GFOD2: variants seen among roughly 807,000 people sequenced by gnomAD.
The protein encoded by GFOD2 is glucose-fructose oxidoreductase domain-containing protein 2.
GFOD2 carries 9 observed loss-of-function variants against 24.6 expected under a neutral mutation model. The ratio of observed to expected loss-of-function variants is 0.37; its 90% CI spans 0.22 to 0.64. GFOD2 has a LOEUF of 0.64. GFOD2 is among the 30% of genes least tolerant of loss of function. The probability of loss-of-function intolerance (pLI) is 0.65; values close to 1 mark genes in which losing one functional copy is unlikely to be tolerated. For synonymous variants in GFOD2, 211 were observed against 224.8 expected, an observed-to-expected ratio of 0.94 and a Z score of 0.55; for missense variants, 476 against 532.5, an observed-to-expected ratio of 0.89 and a Z score of 1.04.
chr16:67,715,171 G>T (rs1023304491), intron 1 of GFOD2, among the ~76,000 whole-genome samples: 2 of 151,724 alleles, frequency 1.3e-5, no homozygotes, highest in African/African-American at 4.8e-5. Flanking sequence ...CAATTCTCCC[G>T]CCTCAGCCTC....
chr16:67,700,560 A>G (rs973874499), intron 1 of GFOD2, among the ~76,000 whole-genome samples: 9 of 150,518 alleles, frequency 6.0e-5, no homozygotes, highest in African/African-American at 2.2e-4. Flanking sequence ...AAAAATACAA[A>G]AATTAGCCAG....
chr16:67,680,891 T>C (rs1212303515), intron 2 of GFOD2: 1 of 985,344 alleles, frequency 1.0e-6, no homozygotes, highest in Non-Finnish European at 1.2e-6. Flanking sequence ...TCTCCTGCTC[T>C]TCTTTAATAA....
chr16:67,692,893 G>C (rs1338936280), intron 1 of GFOD2, among the ~76,000 whole-genome samples: 1 of 151,610 alleles, frequency 6.6e-6, no homozygotes, highest in Non-Finnish European at 1.5e-5. Flanking sequence ...ATCCAGGCGT[G>C]ATGGTGGGCA....
rs61390245 is a variant in GFOD2 at position 67,706,683 on chromosome 16, T to C, written c.-88+12480A>G. 5.0e-3 allele frequency among the ~76,000 whole-genome samples: 757 copies of C among 152,258 alleles called. 8 individuals are homozygous for C. The highest frequency in any genetic ancestry group is 0.017 in the African/African-American group (716 of 41,550). Reference sequence around the variant, plus strand: ...ACAGGACACAAAAAGCACTAACTCATTGAAAACTGGATTTCAAAATTTAAA... The same window carrying C: ...ACAGGACACAAAAAGCACTAACTCACTGAAAACTGGATTTCAAAATTTAAA... On this transcript the variant is annotated intron_variant, in intron 1 of 2. Coordinates refer to ENST00000268797, the MANE Select transcript of GFOD2 (RefSeq NM_030819.4).
In GFOD2 at chr16:67,685,299, C is replaced by T. The variant is rs150082971; in HGVS notation, c.259+158G>A. ...GGTTAGGCTATGTCTTTTTTCATGC[C>T]CTCCCCAAGCACTGCTTCAGGGACA... On this transcript the variant is annotated intron_variant, in intron 2 of 2. Transcript: ENST00000268797. 5.9e-5 allele frequency: 85 copies of T among 1,450,740 alleles called. No homozygotes were observed. The East Asian group carries it at 2.1e-3, about 35-fold the overall frequency. The allele number at this position is 1,450,740 out of a possible 1,614,324, so 89.9% of individuals were successfully genotyped here.
At chr16:67,681,599 G>C (rs1436543618) in intron 2 of GFOD2, 1 of 563,904 alleles carries the variant, frequency 1.8e-6, no homozygotes, top group Non-Finnish European at 2.2e-6. Context: ...TGGTAGAGAT[G>C]GGATTTCATC....
intron 1 of GFOD2, among the ~76,000 whole-genome samples, chr16:67,697,434 T>C (rs2053366642): frequency 6.6e-6 from 1 of 152,202 alleles, no homozygotes; most frequent in Non-Finnish European, 1.5e-5. Flanking sequence ...AGGGTCATAA[T>C]TCTGAGCTAA....
Position 67,715,056 on chromosome 16 carries a change from TTTTC to T in GFOD2, c.-88+4103_-88+4106del, listed in dbSNP as rs534464518. ...CTTCCTTCTTAATGTTTAATCCATATTTTCTTTCTTTTTTTTTTTGAGACGTACT... is the reference window on the plus strand; with the variant it reads ...CTTCCTTCTTAATGTTTAATCCATATTTTCTTTTTTTTTTTGAGACGTACT... On this transcript the variant is annotated intron_variant, in intron 1 of 2. Transcript: ENST00000268797. Among the ~76,000 whole-genome samples the T allele has an allele frequency of 1.8e-3, 273 of 152,236 alleles. 1 individual carries two copies. Among genetic ancestry groups the T allele is most frequent in the African/African-American group, 6.3e-3 (262 of 41,544 alleles).
At chr16:67,688,827 C>T (rs1359558274) in intron 1 of GFOD2, among the ~76,000 whole-genome samples, 7 of 150,506 alleles carry the variant, frequency 4.7e-5, no homozygotes, top group East Asian at 2.0e-4. Context: ...CTCCGCCTCC[C>T]GGGTTCACGC....
At chr16:67,690,830 A>G (rs552613602) in intron 1 of GFOD2, among the ~76,000 whole-genome samples, 4 of 152,296 alleles carry the variant, frequency 2.6e-5, no homozygotes, top group African/African-American at 7.2e-5. Context: ...CAATAATTTT[A>G]TAAACACCAT....
At chr16:67,679,911 AC>A (rs1193514859) in intron 2 of GFOD2, among the ~76,000 whole-genome samples, 41 of 151,534 alleles carry the variant, frequency 2.7e-4, no homozygotes, top group African/African-American at 9.4e-4. Flanking sequence ...AACAACAACA[AC>A]AAAAAAAAAC....
intron 1 of GFOD2, among the ~76,000 whole-genome samples, chr16:67,707,324 C>T (rs1238865328): frequency 2.0e-5 from 3 of 150,458 alleles, no homozygotes; most frequent in Non-Finnish European, 4.4e-5. Flanking sequence ...CGCCATTGCA[C>T]TCCAGCCTGG....
intron 2 of GFOD2, chr16:67,682,588 T>C (rs556813594): frequency 1.5e-5 from 15 of 985,326 alleles, no homozygotes; most frequent in Middle Eastern, 5.2e-4. Flanking sequence ...ATGAAGAACA[T>C]AGGTCAGACC....
Position 67,701,458 on chromosome 16 carries a change from AC to A in GFOD2, c.-87-15657del, listed in dbSNP as rs1158178422. On this transcript the variant is annotated intron_variant, in intron 1 of 2. Coordinates refer to ENST00000268797, the MANE Select transcript of GFOD2 (RefSeq NM_030819.4). Reference sequence around the variant, plus strand: ...ATACTACGGATATATGCCACAATGAACAAATCTCAAATGCATTCTGCTAACT... The same window carrying A: ...ATACTACGGATATATGCCACAATGAAAAATCTCAAATGCATTCTGCTAACT... Among the ~76,000 whole-genome samples, 6 of 152,354 alleles carry A rather than the reference AC, an allele frequency of 3.9e-5. No individual in the cohort carries two copies. The East Asian group carries it at 1.2e-3, about 29-fold the overall frequency.
At chr16:67,702,499 C>T (rs1423414900) in intron 1 of GFOD2, among the ~76,000 whole-genome samples, 2 of 151,322 alleles carry the variant, frequency 1.3e-5, no homozygotes, top group African/African-American at 4.9e-5. Context: ...CAATTTGGCC[C>T]TTTACAGAAA....
intron 1 of GFOD2, among the ~76,000 whole-genome samples, chr16:67,707,084 C>T (rs1043019268): frequency 2.1e-5 from 3 of 145,582 alleles, no homozygotes; most frequent in East Asian, 2.0e-4. Context: ...AATGTCCGGG[C>T]GCAGTGGCTC....
chr16:67,704,740 C>T (rs770390736), intron 1 of GFOD2, among the ~76,000 whole-genome samples: 43 of 152,232 alleles, frequency 2.8e-4, no homozygotes, highest in Non-Finnish European at 5.7e-4. Context: ...AGAGTTAGGC[C>T]TTAATAAATG....
At chr16:67,710,904 G>A (rs2053469220) in intron 1 of GFOD2, among the ~76,000 whole-genome samples, 1 of 151,986 alleles carries the variant, frequency 6.6e-6, no homozygotes, top group African/African-American at 2.4e-5. Flanking sequence ...ACCTATACCT[G>A]CCGCCATGGT....
At chr16:67,714,899 C>G (rs1241308284) in intron 1 of GFOD2, among the ~76,000 whole-genome samples, 1 of 152,208 alleles carries the variant, frequency 6.6e-6, no homozygotes, top group Non-Finnish European at 1.5e-5. Flanking sequence ...CATTTTATCA[C>G]TGGCTACCTT....
Sources: gnomAD v4.1 joint callset for allele counts (sites outside exome capture counted in the v4.1 genomes callset) on GRCh38, gnomAD v4.1.1 for gene constraint, MANE v1.5 for transcripts, NCBI Gene and HGNC (gene_info 2026-07-23, HGNC 2026-07-21) for gene names.